Variants in RTKN2 observed in about 807,000 individuals in gnomAD.
RTKN2 encodes rhotekin-2.
Under a neutral mutation model 71.5 loss-of-function variants are expected in RTKN2, and 69 were observed. That is an observed-to-expected ratio of 0.96 (90% CI 0.79 to 1.18). The LOEUF is 1.18. Among genes scored for constraint, RTKN2 ranks in the 50% most tolerant of loss-of-function variants. The pLI is 0.00. For missense variants in RTKN2, 724 were observed against 719.7 expected, an observed-to-expected ratio of 1.01 and a Z score of -0.07; for synonymous variants, 236 against 236.5, an observed-to-expected ratio of 1.00 and a Z score of 0.02.
rs745405766 is a variant in RTKN2 at position 62,239,773 on chromosome 10, A to G, written c.371-8T>C. 21 of 1,365,986 alleles carry G rather than the reference A, an allele frequency of 1.5e-5. No individual in the cohort carries two copies. The highest frequency in any genetic ancestry group is 2.2e-5 in the Non-Finnish European group (21 of 965,748). 84.6% of individuals were successfully genotyped at this position (1,365,986 alleles called of 1,614,324 possible). ...TGGCATAGCGTCGTGATCCTGGAGGAAAAATAACAACATATTAAGCAACAA... is the reference window on the plus strand; with the variant it reads ...TGGCATAGCGTCGTGATCCTGGAGGGAAAATAACAACATATTAAGCAACAA... On this transcript the variant is annotated splice_polypyrimidine_tract_variant and splice_region_variant and intron_variant, in intron 4 of 11. Transcript: ENST00000373789.
chr10:62,249,393 G>C (rs1422793519), intron 2 of RTKN2, among the ~76,000 whole-genome samples: 2 of 151,148 alleles, frequency 1.3e-5, no homozygotes, highest in Non-Finnish European at 2.9e-5. Context: ...GGGGGGTGGT[G>C]GGGGCAGTGG....
Position 62,198,118 on chromosome 10 carries a change from A to G in RTKN2, c.1620T>C (p.Ser540=), listed in dbSNP as rs766904210. ...TTAGAGTTGATAGTTTGGTATCCAAAGACGATGTCTGAGATACACTTGTTT... is the reference window on the plus strand; with the variant it reads ...TTAGAGTTGATAGTTTGGTATCCAAGGACGATGTCTGAGATACACTTGTTT... ...WGKTSVSQTS[S]LDTKLSTLMH... The change falls in exon 12 of 12, where the codon TCT becomes TCC. Residue 540 remains serine (S), a synonymous_variant. Transcript: ENST00000373789. 6 of 1,614,058 alleles carry G rather than the reference A, an allele frequency of 3.7e-6. No homozygotes were observed. The highest frequency in any genetic ancestry group is 4.2e-6 in the Non-Finnish European group (5 of 1,180,018).
At chr10:62,265,003 A>G (rs1255444652) in intron 1 of RTKN2, among the ~76,000 whole-genome samples, 1 of 152,166 alleles carries the variant, frequency 6.6e-6, no homozygotes, top group Non-Finnish European at 1.5e-5. Flanking sequence ...TTTCTATCAC[A>G]TAAATGAAGA....
intron 2 of RTKN2, among the ~76,000 whole-genome samples, chr10:62,252,286 T>C (rs962397239): frequency 1.3e-5 from 2 of 152,014 alleles, no homozygotes; most frequent in Non-Finnish European, 2.9e-5. Flanking sequence ...AACAATACAA[T>C]GGAGCAAAGT....
chr10:62,233,396 T>C (rs1589365860), intron 6 of RTKN2, among the ~76,000 whole-genome samples: 1 of 152,140 alleles, frequency 6.6e-6, no homozygotes, highest in East Asian at 1.9e-4. Flanking sequence ...CTTGATATAA[T>C]ATTAATGCAG....
At chr10:62,239,422 GC>G (rs1206884252) in intron 5 of RTKN2, 4 of 334,418 alleles carry the variant, frequency 1.2e-5, no homozygotes, top group Non-Finnish European at 2.2e-5. Flanking sequence ...AATATTTACT[GC>G]TAATAGTAAT....
At chr10:62,267,265 A>G (rs377416122) in intron 1 of RTKN2, among the ~76,000 whole-genome samples, 4 of 152,316 alleles carry the variant, frequency 2.6e-5, no homozygotes, top group East Asian at 3.9e-4. Flanking sequence ...GTATATTTAA[A>G]CATTTATTTT....
intron 2 of RTKN2, among the ~76,000 whole-genome samples, chr10:62,259,004 T>C (rs1438583603): frequency 2.6e-5 from 4 of 152,114 alleles, no homozygotes; most frequent in African/African-American, 7.2e-5. Context: ...CACCCAAATC[T>C]CATCTTGAAT....
intron 3 of RTKN2, 53 bp from the exon 4 acceptor site, chr10:62,241,248 C>T: frequency 9.3e-7 from 1 of 1,079,222 alleles, no homozygotes; most frequent in Non-Finnish European, 1.4e-6. Flanking sequence ...AAGTTTTATT[C>T]TTTACAGTGA....
At chr10:62,218,042 C>T (rs182041086) in intron 8 of RTKN2, among the ~76,000 whole-genome samples, 153 bp downstream of exon 8, 10 of 152,108 alleles carry the variant, frequency 6.6e-5, no homozygotes, top group Non-Finnish European at 1.5e-4. Flanking sequence ...CACCCCGCAC[C>T]CCCTACAGTT....
chr10:62,228,962 G>A (rs1842091549), intron 6 of RTKN2, among the ~76,000 whole-genome samples: 1 of 152,184 alleles, frequency 6.6e-6, no homozygotes, highest in Non-Finnish European at 1.5e-5. Context: ...CTTGAAGAGA[G>A]GTAAAGTAGA....
At chr10:62,221,748 C>T (rs1249752400) in intron 7 of RTKN2, among the ~76,000 whole-genome samples, 1 of 151,790 alleles carries the variant, frequency 6.6e-6, no homozygotes, top group African/African-American at 2.4e-5. Flanking sequence ...AAATAATTAG[C>T]AAATATGGAA....
downstream of RTKN2, among the ~76,000 whole-genome samples, chr10:62,192,612 T>C (rs1841240254): frequency 6.6e-6 from 1 of 152,198 alleles, no homozygotes; most frequent in African/African-American, 2.4e-5. Context: ...CTTTCTTCAA[T>C]TGGGAGCAGC....
At chr10:62,257,604 T>C (rs866127267) in intron 2 of RTKN2, among the ~76,000 whole-genome samples, 7 of 152,272 alleles carry the variant, frequency 4.6e-5, no homozygotes, top group Admixed American at 2.0e-4. Flanking sequence ...TGCAATAAAT[T>C]TGTAAAGCAG....
chr10:62,203,587 C>T (rs1391542020), intron 10 of RTKN2, among the ~76,000 whole-genome samples: 3 of 152,154 alleles, frequency 2.0e-5, no homozygotes, highest in Non-Finnish European at 4.4e-5. Context: ...TCAGGTGATC[C>T]GCCTGCCTCG....
At chr10:62,235,944 A>C in intron 6 of RTKN2, 122 bp downstream of exon 6, 1 of 707,936 alleles carries the variant, frequency 1.4e-6, no homozygotes, top group Non-Finnish European at 2.3e-6. Flanking sequence ...CAAACAACTA[A>C]GTTTTGTTTT....
intron 1 of RTKN2, among the ~76,000 whole-genome samples, chr10:62,264,597 A>T (rs1385662413): frequency 6.6e-6 from 1 of 152,224 alleles, no homozygotes; most frequent in African/African-American, 2.4e-5. Context: ...GGAGCAACCT[A>T]AAGCTGGGAT....
intron 9 of RTKN2, among the ~76,000 whole-genome samples, chr10:62,207,390 A>G (rs1456766512): frequency 6.6e-6 from 1 of 152,136 alleles, no homozygotes; most frequent in Non-Finnish European, 1.5e-5. Flanking sequence ...ATTAACTTCT[A>G]TATGTTATCA....
intron 8 of RTKN2, among the ~76,000 whole-genome samples, chr10:62,185,552 G>T (rs1323805255): frequency 6.6e-6 from 1 of 152,156 alleles, no homozygotes; most frequent in African/African-American, 2.4e-5. Flanking sequence ...GGAGGTGGAG[G>T]TTGCAGTAGT....
Sources: gnomAD v4.1 joint callset for allele counts (sites outside exome capture counted in the v4.1 genomes callset) on GRCh38, gnomAD v4.1.1 for gene constraint, MANE v1.5 for transcripts, NCBI Gene and HGNC (gene_info 2026-07-23, HGNC 2026-07-21) for gene names.